The following EPHB1 variants were observed in gnomAD, a reference collection of about 807,000 sequenced individuals.
EPHB1 encodes ephrin type-B receptor 1.
In EPHB1, 30 loss-of-function variants were observed where a neutral mutation model predicts 94.4. The observed-to-expected ratio is 0.32, with a 90% CI of 0.24 to 0.43. EPHB1 has a LOEUF of 0.43. Among genes scored for constraint, EPHB1 ranks in the 20% least tolerant of loss-of-function variants. The pLI, the probability that EPHB1 is intolerant of heterozygous loss-of-function variation, is 1.00. For missense variants in EPHB1, 1,055 were observed against 1,308.3 expected (o/e 0.81, Z 2.99); for synonymous variants, 522 against 489.1 (o/e 1.07, Z -0.89).
intron 12 of EPHB1, among the ~76,000 whole-genome samples, chr3:135,237,994 A>C (rs573718072): frequency 1.3e-4 from 20 of 152,232 alleles, no homozygotes; most frequent in Non-Finnish European, 2.9e-4. Flanking sequence ...CATCCTCTAA[A>C]TTAATAGATT....
intron 3 of EPHB1, among the ~76,000 whole-genome samples, chr3:135,090,997 A>G (rs934598359): frequency 2.6e-5 from 4 of 152,260 alleles, no homozygotes; most frequent in Admixed American, 2.6e-4. Flanking sequence ...TTTATCAAGT[A>G]CACCACAGAA....
intron 15 of EPHB1, among the ~76,000 whole-genome samples, chr3:135,255,694 G>T (rs1275315027): frequency 1.3e-5 from 2 of 151,444 alleles, no homozygotes; most frequent in Non-Finnish European, 2.9e-5. Flanking sequence ...TGTTTATTCT[G>T]TTGACTTGGG....
At chr3:135,028,631 A>T (rs1936287140) in intron 3 of EPHB1, among the ~76,000 whole-genome samples, 1 of 142,612 alleles carries the variant, frequency 7.0e-6, no homozygotes, top group African/African-American at 2.6e-5. Flanking sequence ...TGCTGAGGAG[A>T]GCTTTACTTC....
At chr3:135,060,147 C>T (rs777796171) in intron 3 of EPHB1, among the ~76,000 whole-genome samples, 34 of 152,212 alleles carry the variant, frequency 2.2e-4, no homozygotes, top group Admixed American at 3.9e-4. Context: ...TCTTCAACCC[C>T]GAAAGAAAGC....
intron 2 of EPHB1, among the ~76,000 whole-genome samples, chr3:134,950,991 C>A (rs1020491859): frequency 3.3e-5 from 5 of 152,144 alleles, no homozygotes; most frequent in African/African-American, 1.2e-4. Flanking sequence ...GACCCCCAAT[C>A]CACAGATTGG....
intron 3 of EPHB1, among the ~76,000 whole-genome samples, chr3:135,011,706 T>C (rs963701751): frequency 6.6e-6 from 1 of 152,190 alleles, no homozygotes; most frequent in African/African-American, 2.4e-5. Flanking sequence ...AACATGTGGC[T>C]GTCTTATTAC....
chr3:135,227,619 T>A (rs1308805254), intron 12 of EPHB1, among the ~76,000 whole-genome samples: 4 of 152,172 alleles, frequency 2.6e-5, no homozygotes, highest in Non-Finnish European at 4.4e-5. Flanking sequence ...TGATGCTATG[T>A]TATTTCAAAC....
intron 1 of EPHB1, chr3:134,840,576 C>T (rs2036756952): frequency 6.6e-6 from 1 of 152,126 alleles, no homozygotes; most frequent in Non-Finnish European, 1.5e-5. Context: ...AGTGCCCATA[C>T]CTAATTATAT....
chr3:135,249,851 G>A (rs186719704), intron 15 of EPHB1, among the ~76,000 whole-genome samples: 78 of 152,298 alleles, frequency 5.1e-4, no homozygotes, highest in African/African-American at 1.7e-3. Flanking sequence ...GAAAAGCATT[G>A]CACTGATTCA....
chr3:134,885,409 T>C (rs2037842714), intron 1 of EPHB1, among the ~76,000 whole-genome samples: 1 of 152,178 alleles, frequency 6.6e-6, no homozygotes, highest in Non-Finnish European at 1.5e-5. Flanking sequence ...GAATGGCCTC[T>C]CTCCCTAGTC....
intron 3 of EPHB1, among the ~76,000 whole-genome samples, chr3:135,035,058 C>T (rs763863710): frequency 1.3e-5 from 2 of 152,204 alleles, no homozygotes; most frequent in African/African-American, 2.4e-5. Flanking sequence ...CTACTGCCAG[C>T]TCATAGTCAT....
chr3:135,147,218 C>T (rs1025523185), intron 5 of EPHB1, among the ~76,000 whole-genome samples: 1 of 150,694 alleles, frequency 6.6e-6, no homozygotes, highest in African/African-American at 2.5e-5. Context: ...GTTTTCTTCA[C>T]AGCTATGGTC....
chr3:134,802,783 A>G (rs2108282833), intron 1 of EPHB1, among the ~76,000 whole-genome samples: 1 of 152,300 alleles, frequency 6.6e-6, no homozygotes, highest in East Asian at 1.9e-4. Context: ...AAATGAGTTC[A>G]TTATGCTCCC....
chr3:135,056,006 C>T (rs1350182694), intron 3 of EPHB1, among the ~76,000 whole-genome samples: 4 of 152,198 alleles, frequency 2.6e-5, no homozygotes, highest in African/African-American at 9.7e-5. Flanking sequence ...TGGCCCAGAA[C>T]TCTTCCCTGA....
intron 3 of EPHB1, among the ~76,000 whole-genome samples, chr3:135,017,628 G>A (rs1365929685): frequency 6.6e-6 from 1 of 152,126 alleles, no homozygotes; most frequent in African/African-American, 2.4e-5. Flanking sequence ...GGTTGGTGGA[G>A]CTACTGTTCA....
At chr3:135,030,563 A>G (rs929774177) in intron 3 of EPHB1, among the ~76,000 whole-genome samples, 5 of 152,192 alleles carry the variant, frequency 3.3e-5, no homozygotes, top group Admixed American at 6.5e-5. Context: ...GACCCACTTG[A>G]GGAGGCAGTC....
chr3:135,002,191 T>C (rs1391009118), intron 3 of EPHB1, among the ~76,000 whole-genome samples: 4 of 152,210 alleles, frequency 2.6e-5, no homozygotes, highest in Non-Finnish European at 1.5e-5. Context: ...CACCCAAATC[T>C]CCTCTCAAAT....
At chr3:135,032,869 T>C (rs1299786644) in intron 3 of EPHB1, among the ~76,000 whole-genome samples, 1 of 152,142 alleles carries the variant, frequency 6.6e-6, no homozygotes, top group Non-Finnish European at 1.5e-5. Context: ...GACATGAAAA[T>C]TGTGGCCATT....
intron 3 of EPHB1, among the ~76,000 whole-genome samples, chr3:135,033,214 G>A (rs939224008): frequency 1.3e-5 from 2 of 152,166 alleles, no homozygotes; most frequent in East Asian, 1.9e-4. Context: ...GTGACAGTCA[G>A]GGTAGATTCT....
Sources: gnomAD v4.1 joint callset for allele counts (sites outside exome capture counted in the v4.1 genomes callset) on GRCh38, gnomAD v4.1.1 for gene constraint, MANE v1.5 for transcripts, NCBI Gene and HGNC (gene_info 2026-07-23, HGNC 2026-07-21) for gene names.